The following EYS variants were observed in gnomAD, a reference collection of about 807,000 sequenced individuals.
EYS encodes the protein protein eyes shut homolog.
Under a neutral mutation model 282.1 loss-of-function variants are expected in EYS, and 250 were observed. The observed-to-expected ratio is 0.89, with a 90% CI of 0.80 to 0.98. The LOEUF (loss-of-function observed/expected upper bound fraction) is 0.98. EYS is among the 50% of genes least tolerant of loss of function. The pLI is 0.00. For synonymous variants in EYS, 1,355 were observed against 1,282.9 expected (o/e 1.06, Z -1.20); for missense variants, 4,016 against 3,709.0 (o/e 1.08, Z -2.15).
intron 40 of EYS, among the ~76,000 whole-genome samples, chr6:63,766,811 A>T (rs953595816): frequency 6.6e-6 from 1 of 152,006 alleles, no homozygotes; most frequent in Non-Finnish European, 1.5e-5. Context: ...TGTTGGGACC[A>T]TGAAAGAGTA....
chr6:65,214,616 T>C (rs1766265849), intron 12 of EYS, among the ~76,000 whole-genome samples: 1 of 152,222 alleles, frequency 6.6e-6, no homozygotes, highest in Non-Finnish European at 1.5e-5. Flanking sequence ...CTGAGATCAC[T>C]GCTGAGGGTA....
intron 13 of EYS, among the ~76,000 whole-genome samples, chr6:65,000,732 C>T (rs1461889300): frequency 2.0e-5 from 3 of 152,150 alleles, no homozygotes; most frequent in South Asian, 2.1e-4. Flanking sequence ...GAGCCTAGAT[C>T]GTGCCACTGC....
intron 30 of EYS, among the ~76,000 whole-genome samples, chr6:64,289,455 CTA>C (rs1768621103): frequency 6.6e-6 from 1 of 152,090 alleles, no homozygotes; most frequent in South Asian, 2.1e-4. Flanking sequence ...CAATTTCCCT[CTA>C]TGGCAGGAGT....
At chr6:64,201,235 C>A (rs1183695355) in intron 31 of EYS, among the ~76,000 whole-genome samples, 1 of 151,742 alleles carries the variant, frequency 6.6e-6, no homozygotes, top group Non-Finnish European at 1.5e-5. Flanking sequence ...TTTTTGTTTC[C>A]TTGCTTCCTT....
intron 34 of EYS, among the ~76,000 whole-genome samples, chr6:63,990,295 G>A (rs903951965): frequency 2.0e-5 from 3 of 151,534 alleles, no homozygotes; most frequent in Admixed American, 2.0e-4. Context: ...CCCTTTGAGA[G>A]GAATTTAGAA....
At position 64,997,728 on chromosome 6, in the gene EYS, C is replaced by T. The variant is rs1053134809; in HGVS notation, c.2138-25G>A. 3 of 1,548,292 alleles carry T rather than the reference C, an allele frequency of 1.9e-6. No homozygotes were observed. The African/African-American group carries it at 4.1e-5, about 21-fold the overall frequency. On this transcript the variant is annotated intron_variant, in intron 13 of 42. Transcript: ENST00000503581. ...ACTGGAAACAACAGAAAAGAGAAAA[C>T]TCTTAACATTCCTTTAACCTTAGTA...
chr6:64,334,785 A>C (rs1452424719), intron 29 of EYS, among the ~76,000 whole-genome samples: 2 of 152,180 alleles, frequency 1.3e-5, no homozygotes, highest in Non-Finnish European at 2.9e-5. Flanking sequence ...ACAATGGAAA[A>C]GCTGTCATGG....
At chr6:65,461,437 T>C (rs967903824) in intron 5 of EYS, among the ~76,000 whole-genome samples, 1 of 152,118 alleles carries the variant, frequency 6.6e-6, no homozygotes, top group Non-Finnish European at 1.5e-5. Context: ...CTTCCAGTTA[T>C]AGTGCTGAGC....
intron 14 of EYS, among the ~76,000 whole-genome samples, chr6:64,983,719 A>T (rs1447388725): frequency 6.6e-6 from 1 of 150,690 alleles, no homozygotes; most frequent in African/African-American, 2.4e-5. Flanking sequence ...CTTGATGAAC[A>T]TTTTCTAGGT....
At chr6:63,750,786 G>C (rs1473805376) in intron 41 of EYS, among the ~76,000 whole-genome samples, 1 of 152,182 alleles carries the variant, frequency 6.6e-6, no homozygotes, top group Admixed American at 6.5e-5. Context: ...TCTTACAATA[G>C]CCTTAGTGCT....
chr6:65,170,940 C>G (rs1765090912), intron 12 of EYS, among the ~76,000 whole-genome samples: 1 of 151,442 alleles, frequency 6.6e-6, no homozygotes, highest in African/African-American at 2.4e-5. Flanking sequence ...ACATTTTTCT[C>G]AATAATTTTA....
At chr6:63,835,201 TAATAAAA>T (rs1279109628) in intron 36 of EYS, among the ~76,000 whole-genome samples, 3 of 151,380 alleles carry the variant, frequency 2.0e-5, no homozygotes, top group South Asian at 4.2e-4. Context: ...TAAAGTATAA[TAATAAAA>T]AATAAAAAAT....
chr6:65,644,659 G>A (rs1004854928), intron 1 of EYS, among the ~76,000 whole-genome samples: 8 of 152,332 alleles, frequency 5.3e-5, no homozygotes, highest in African/African-American at 1.9e-4. Flanking sequence ...TAACAGCAGT[G>A]AGGCAAAAGC....
intron 2 of EYS, among the ~76,000 whole-genome samples, chr6:65,578,366 A>G (rs1764749426): frequency 6.6e-6 from 1 of 151,858 alleles, no homozygotes; most frequent in Non-Finnish European, 1.5e-5. Flanking sequence ...TACATGTGAA[A>G]ACTAAAAAAG....
chr6:64,331,624 C>T (rs1302268719), intron 29 of EYS, among the ~76,000 whole-genome samples: 1 of 140,424 alleles, frequency 7.1e-6, no homozygotes, highest in Non-Finnish European at 1.5e-5. Context: ...ATAAAAGTTT[C>T]ATCAAGGAAT....
In EYS at chr6:64,210,815, C is replaced by T. The variant is rs188437604; in HGVS notation, c.6424+19777G>A. 4.6e-5 allele frequency among the ~76,000 whole-genome samples: 7 copies of T among 152,096 alleles called. No individual in the cohort carries two copies. The East Asian group carries it at 9.7e-4, about 21-fold the overall frequency. On this transcript the variant is annotated intron_variant, in intron 31 of 42. Coordinates refer to ENST00000503581, the MANE Select transcript of EYS (RefSeq NM_001142800.2). Reference sequence around the variant, plus strand: ...AGTAGACTGGGTGGGGAAAATGTACCGTCAGTGTGGCTAGGCAACATCCAA... The same window carrying T: ...AGTAGACTGGGTGGGGAAAATGTACTGTCAGTGTGGCTAGGCAACATCCAA...
chr6:64,919,407 T>C (rs917617353), intron 15 of EYS, among the ~76,000 whole-genome samples: 1 of 91,406 alleles, frequency 1.1e-5, no homozygotes, highest in African/African-American at 4.2e-5. Context: ...TTTTTTATGT[T>C]TTTCTTTTTT....
chr6:64,889,517 C>A (rs1324623004), intron 18 of EYS, among the ~76,000 whole-genome samples: 1 of 151,790 alleles, frequency 6.6e-6, no homozygotes, highest in Non-Finnish European at 1.5e-5. Context: ...AGTCAGGGAC[C>A]CCAAATGGAG....
chr6:64,381,018 GAA>G (rs113430990), intron 29 of EYS, among the ~76,000 whole-genome samples: 1,279 of 73,098 alleles, frequency 0.017, 20 homozygotes, highest in African/African-American at 0.048. Flanking sequence ...CTCCATCTCA[GAA>G]AAAAAAAAAA....
Sources: gnomAD v4.1 joint callset for allele counts (sites outside exome capture counted in the v4.1 genomes callset) on GRCh38, gnomAD v4.1.1 for gene constraint, MANE v1.5 for transcripts, NCBI Gene and HGNC (gene_info 2026-07-23, HGNC 2026-07-21) for gene names.